The following SUMF1 variants were observed in gnomAD, a reference collection of about 807,000 sequenced individuals.
SUMF1 encodes formylglycine-generating enzyme.
A neutral mutation model predicts 47.6 loss-of-function variants in SUMF1; 48 were observed. The ratio of observed to expected loss-of-function variants is 1.01; its 90% CI spans 0.80 to 1.28. SUMF1 has a LOEUF of 1.28. SUMF1 is among the 50% of genes most tolerant of loss of function. The pLI, the probability that SUMF1 is intolerant of heterozygous loss-of-function variation, is 0.00. For missense variants in SUMF1, 571 were observed against 485.4 expected (o/e 1.18, Z -1.66); for synonymous variants, 230 against 192.1 (o/e 1.20, Z -1.63).
chr3:4,148,922 G>A (rs1694255005), intron 8 of SUMF1, among the ~76,000 whole-genome samples: 3 of 152,134 alleles, frequency 2.0e-5, no homozygotes. Context: ...AGTTCAAAAA[G>A]AGAAAGGGAA....
At chr3:4,320,632 GTC>G (rs1174724836) in intron 8 of SUMF1, among the ~76,000 whole-genome samples, 1 of 152,190 alleles carries the variant, frequency 6.6e-6, no homozygotes, top group East Asian at 1.9e-4. Flanking sequence ...TGTAAATAAA[GTC>G]TCTCAGGTCA....
Position 4,122,521 on chromosome 3 carries a change from A to G in SUMF1, c.1015-53776T>C, listed in dbSNP as rs576546767. On this transcript the variant is annotated intron_variant and NMD_transcript_variant, in intron 8 of 12. Coordinates refer to the SUMF1 transcript ENST00000448413. ...CAGTGTGAATGTACTAAATGCCACT[A>G]ATTTGTTGACTTTAAAATGGTTAAT... Among the ~76,000 whole-genome samples, 99 of 152,282 alleles carry G rather than the reference A, an allele frequency of 6.5e-4. 1 individual carries two copies. The Middle Eastern group carries it at 0.01, about 16-fold the overall frequency.
chr3:4,123,089 A>G (rs1365934202), intron 8 of SUMF1, among the ~76,000 whole-genome samples: 1 of 152,206 alleles, frequency 6.6e-6, no homozygotes, highest in East Asian at 1.9e-4. Context: ...CACAAAAGAG[A>G]AGAAAAGAAA....
chr3:4,443,783 AAGAG>A (rs1016895357), intron 3 of SUMF1, among the ~76,000 whole-genome samples: 3 of 152,114 alleles, frequency 2.0e-5, no homozygotes, highest in African/African-American at 7.2e-5. Flanking sequence ...AAAAAGAAAA[AAGAG>A]AGAGAAAAAA....
At chr3:4,094,608 C>A (rs1377452243) in intron 8 of SUMF1, among the ~76,000 whole-genome samples, 1 of 152,014 alleles carries the variant, frequency 6.6e-6, no homozygotes, top group African/African-American at 2.4e-5. Flanking sequence ...TTTTGTCAAG[C>A]ATAATTGTTA....
chr3:4,207,041 T>C (rs1452193737), intron 8 of SUMF1, among the ~76,000 whole-genome samples: 2 of 152,180 alleles, frequency 1.3e-5, no homozygotes, highest in African/African-American at 2.4e-5. Flanking sequence ...CAATGTTTTA[T>C]AGTTTTTATT....
intron 8 of SUMF1, among the ~76,000 whole-genome samples, chr3:4,231,162 TAATAGCTAG>T (rs964496682): frequency 1.3e-5 from 2 of 152,084 alleles, no homozygotes; most frequent in Non-Finnish European, 2.9e-5. Flanking sequence ...GCTGGCCTGC[TAATAGCTAG>T]GCACAATCGA....
In SUMF1 at chr3:4,420,095, G is replaced by A; in HGVS notation, c.571C>T (p.Pro191Ser). 6.2e-7 allele frequency: 1 copy of A among 1,614,038 alleles called. No individual in the cohort carries two copies. The highest frequency in any genetic ancestry group is 8.5e-7 in the Non-Finnish European group (1 of 1,179,990). The stretch of plus-strand genomic sequence containing the variant: ...AGAATAGTAGAGTCAGGCCCTTCTG[G>A]GTGTCTCCAGTTAGCGCCTTTCACA... ...LPVKGANWRHPEGPDSTILHR... is the reference protein window; with the variant it reads ...LPVKGANWRHSEGPDSTILHR... Residue 191 changes from proline to serine, a missense_variant, in exon 4 of 9, where the codon CCA (proline) becomes TCA (serine). Pro to Ser is a moderately conservative substitution (Grantham distance 74, BLOSUM62 -1). Transcript: ENST00000272902.
intron 8 of SUMF1, among the ~76,000 whole-genome samples, chr3:4,297,092 C>T (rs987484816): frequency 7.2e-5 from 11 of 152,268 alleles, no homozygotes; most frequent in African/African-American, 2.4e-4. Context: ...GATTTGGTCT[C>T]AGCTCCTGAC....
intron 8 of SUMF1, among the ~76,000 whole-genome samples, chr3:4,260,967 G>T (rs556009297): frequency 6.6e-6 from 1 of 152,252 alleles, no homozygotes; most frequent in African/African-American, 2.4e-5. Flanking sequence ...AGCCCAGTGA[G>T]AACTGTGTTG....
intron 8 of SUMF1, among the ~76,000 whole-genome samples, chr3:4,370,354 A>C (rs1275227689): frequency 6.6e-6 from 1 of 152,250 alleles, no homozygotes; most frequent in African/African-American, 2.4e-5. Context: ...GGAAGATGGT[A>C]ATAGCCCTGC....
At chr3:4,302,351 G>A (rs1282129095) in intron 8 of SUMF1, among the ~76,000 whole-genome samples, 1 of 152,136 alleles carries the variant, frequency 6.6e-6, no homozygotes, top group Non-Finnish European at 1.5e-5. Flanking sequence ...TAGATTTAAA[G>A]ATTTTCTGAT....
intron 8 of SUMF1, among the ~76,000 whole-genome samples, chr3:4,300,683 C>G (rs1697944999): frequency 6.6e-6 from 1 of 152,096 alleles, no homozygotes; most frequent in African/African-American, 2.4e-5. Flanking sequence ...GAAAAAAAAG[C>G]AAGTCACTAA....
In SUMF1 at chr3:4,159,459, C is replaced by T. The variant is rs537733666; in HGVS notation, c.1015-90714G>A. On this transcript the variant is annotated intron_variant and NMD_transcript_variant, in intron 8 of 12. Coordinates refer to the SUMF1 transcript ENST00000448413. ...AACTCTACATTTTAACTTCATTTTGCCCAGTTTTAAACCTTTTGTTTTTTC... is the reference window on the plus strand; with the variant it reads ...AACTCTACATTTTAACTTCATTTTGTCCAGTTTTAAACCTTTTGTTTTTTC... 2.9e-4 allele frequency among the ~76,000 whole-genome samples: 44 copies of T among 151,584 alleles called. 1 individual carries two copies. Among genetic ancestry groups the T allele is most frequent in the Admixed American group, 7.9e-4 (12 of 15,244 alleles).
At chr3:4,358,868 G>A (rs1699680306), downstream of SUMF1, among the ~76,000 whole-genome samples, 1 of 152,324 alleles carries the variant, frequency 6.6e-6, no homozygotes, top group East Asian at 1.9e-4. Flanking sequence ...CCTTGGAGAA[G>A]AAAGAAGGTG....
chr3:4,267,914 CTGCT>C (rs1277656353), intron 8 of SUMF1, among the ~76,000 whole-genome samples: 1 of 150,680 alleles, frequency 6.6e-6, no homozygotes, highest in African/African-American at 2.4e-5. Flanking sequence ...ATAAATCATG[CTGCT>C]ATAAAGACAC....
intron 7 of SUMF1, among the ~76,000 whole-genome samples, chr3:4,390,739 T>C (rs530054524): frequency 8.1e-4 from 123 of 152,278 alleles, no homozygotes; most frequent in Non-Finnish European, 1.3e-3. Flanking sequence ...CATACCATGA[T>C]ACCTGGCTAA....
chr3:4,457,412 C>T (rs2079692312), intron 1 of SUMF1, among the ~76,000 whole-genome samples: 1 of 151,914 alleles, frequency 6.6e-6, no homozygotes, highest in Non-Finnish European at 1.5e-5. Context: ...AAAATTTGTA[C>T]AGCACAACAA....
At chr3:4,122,433 A>G (rs142753171) in intron 8 of SUMF1, among the ~76,000 whole-genome samples, 27 of 152,296 alleles carry the variant, frequency 1.8e-4, no homozygotes, top group African/African-American at 6.0e-4. Context: ...ATTTAATGGT[A>G]TAGAATTTTA....
Sources: allele counts gnomAD v4.1 joint callset (sites outside exome capture counted in the v4.1 genomes callset), GRCh38; gene constraint gnomAD v4.1.1; transcripts MANE v1.5; gene names NCBI Gene and HGNC (gene_info 2026-07-23, HGNC 2026-07-21).